The following PLA2G6 variants were observed in gnomAD, a reference collection of about 807,000 sequenced individuals.
The protein encoded by PLA2G6 is 85/88 kDa calcium-independent phospholipase A2.
In PLA2G6, 62 loss-of-function variants were observed where a neutral mutation model predicts 83.8. The ratio of observed to expected loss-of-function variants is 0.74; its 90% CI spans 0.60 to 0.91. The LOEUF (loss-of-function observed/expected upper bound fraction) is 0.91. Among genes scored for constraint, PLA2G6 ranks in the 40% least tolerant of loss-of-function variants. PLA2G6 has a pLI of 0.00. For missense variants in PLA2G6, 944 were observed against 1,102.0 expected, an observed-to-expected ratio of 0.86 and a Z score of 2.03; for synonymous variants, 417 against 449.8, an observed-to-expected ratio of 0.93 and a Z score of 0.92.
rs751359348 is a variant in PLA2G6 at position 38,128,296 on chromosome 22, G to C, written c.1321C>G (p.Pro441Ala). Residue 441 changes from proline to alanine, a missense_variant, in exon 9 of 17, where the codon CCC becomes GCC. Physicochemically the swap from Pro to Ala is conservative, Grantham distance 27. Transcript: ENST00000332509. This position sits in a 1 kb window ranked among gnomAD's most constrained non-coding sequence, Gnocchi z 4.4. Reference sequence around the variant, plus strand: ...AGGTTGTTTAGGCTGATCGGTGGGGGCTGAGCTCTTTCCAGGGAGAAGGGA... The same window carrying C: ...AGGTTGTTTAGGCTGATCGGTGGGGCCTGAGCTCTTTCCAGGGAGAAGGGA... ...HHPFSLERAQ[P>A]PPISLNNLEL... 2 of 1,612,860 alleles carry C rather than the reference G, an allele frequency of 1.2e-6. No homozygotes were observed. The highest frequency in any genetic ancestry group is 2.0e-4 in the Middle Eastern group (1 of 4,982).
At chr22:38,126,956 G>A (rs2087898900) in intron 9 of PLA2G6, 1 of 1,019,568 alleles carries the variant, frequency 9.8e-7, no homozygotes, top group South Asian at 2.8e-5. Context: ...GATGAAAGGA[G>A]ACATCCCTCG....
intron 6 of PLA2G6, 56 bp downstream of exon 6, chr22:38,134,932 G>A (rs2088452755): frequency 6.8e-6 from 9 of 1,332,942 alleles, no homozygotes; most frequent in East Asian, 2.3e-5. Flanking sequence ...TGAGGGCCCT[G>A]AGGACCTGCG....
In PLA2G6 at chr22:38,126,393, A is replaced by C; in HGVS notation, c.1405T>G (p.Ser469Ala). ...RARKPAFILG[S>A]MRDEKRTHDH... The stretch of plus-strand genomic sequence containing the variant: ...TACGTCCGCTTCTCGTCCCTCATGG[A>C]GCCCAGGATGAACGCTGGCTTCCGG... The change falls in exon 10 of 17, where the codon TCC becomes GCC. Residue 469 changes from serine (S) to alanine (A), a missense_variant. Ser to Ala is a moderately conservative substitution (Grantham distance 99). Coordinates refer to ENST00000332509, the MANE Select transcript of PLA2G6 (RefSeq NM_003560.4). 1 of 1,613,540 alleles carries C rather than the reference A, an allele frequency of 6.2e-7. No individual in the cohort carries two copies. The highest frequency in any genetic ancestry group is 8.5e-7 in the Non-Finnish European group (1 of 1,179,778).
intron 2 of PLA2G6, among the ~76,000 whole-genome samples, chr22:38,151,155 A>G (rs2089539405): frequency 6.6e-6 from 1 of 152,222 alleles, no homozygotes; most frequent in African/African-American, 2.4e-5. Context: ...GAATAAGGTT[A>G]AAATTAAAAC....
At chr22:38,159,728 G>A (rs907398953) in intron 2 of PLA2G6, among the ~76,000 whole-genome samples, 7 of 111,260 alleles carry the variant, frequency 6.3e-5, no homozygotes, top group Non-Finnish European at 1.5e-4. Context: ...ATAGATGAAA[G>A]GAAGGAAGGA....
In PLA2G6 at chr22:38,112,224, C is replaced by T; in HGVS notation, c.2358G>A (p.Glu786=). 4.3e-6 allele frequency: 7 copies of T among 1,612,226 alleles called. No individual in the cohort carries two copies. The highest frequency in any genetic ancestry group is 5.9e-6 in the Non-Finnish European group (7 of 1,179,330). ...CCTCGCGGTGCTCATAGATGTAGACCTCGGTCTCCCAGAGGGCGTTGACCA... is the reference window on the plus strand; with the variant it reads ...CCTCGCGGTGCTCATAGATGTAGACTTCGGTCTCCCAGAGGGCGTTGACCA... ...TVLVNALWET[E]VYIYEHREEF... The change falls in exon 17 of 17, where the codon GAG becomes GAA. Residue 786 remains glutamate, a synonymous_variant. Coordinates refer to ENST00000332509, the MANE Select transcript of PLA2G6 (RefSeq NM_003560.4).
At position 38,124,367 on chromosome 22, in the gene PLA2G6, C is replaced by A. The variant is rs1158351403; in HGVS notation, c.1428-1109G>T. 3.3e-5 allele frequency among the ~76,000 whole-genome samples: 5 copies of A among 152,260 alleles called. No homozygotes were observed. In the East Asian group the frequency reaches 9.7e-4, roughly 29 times the overall value. On this transcript the variant is annotated intron_variant, in intron 10 of 16. Coordinates refer to ENST00000332509, the MANE Select transcript of PLA2G6 (RefSeq NM_003560.4). Reference sequence around the variant, plus strand: ...TGACGGGAACCAAGTCATATGGATGCGGACTGGACCTGGACCCAGGTCTGC... The same window carrying A: ...TGACGGGAACCAAGTCATATGGATGAGGACTGGACCTGGACCCAGGTCTGC...
At chr22:38,144,650 A>AT (rs2089134457) in intron 3 of PLA2G6, 1 of 140,350 alleles carries the variant, frequency 7.1e-6, no homozygotes, top group Non-Finnish European at 1.5e-5. Context: ...AAAAAAAAAA[A>AT]AAAAAAAATT....
In PLA2G6 at chr22:38,123,039, C is replaced by G; in HGVS notation, c.1591+56G>C. On this transcript the variant is annotated intron_variant, in intron 11 of 16. Coordinates refer to ENST00000332509, the MANE Select transcript of PLA2G6 (RefSeq NM_003560.4). This position sits in a 1 kb window ranked among gnomAD's most constrained non-coding sequence, Gnocchi z 4.1. ...CAAAGCCCTGAAGACAAACTCGGCC[C>G]CTTGAGGACACAGGTCTCAGCCCCG... The G allele has an allele frequency of 6.7e-7, 1 of 1,499,980 alleles. No individual in the cohort carries two copies. The highest frequency in any genetic ancestry group is 9.0e-7 in the Non-Finnish European group (1 of 1,109,018). The allele number at this position is 1,499,980 out of a possible 1,614,324, so 92.9% of individuals were successfully genotyped here.
chr22:38,127,565 TC>T, intron 9 of PLA2G6: 1 of 744,894 alleles, frequency 1.3e-6, no homozygotes, highest in Non-Finnish European at 2.1e-6. Flanking sequence ...TCTCCAGAGT[TC>T]CAGGCTTGGT....
At chr22:38,119,128 C>T (rs374071733) in intron 12 of PLA2G6, among the ~76,000 whole-genome samples, 27 of 152,228 alleles carry the variant, frequency 1.8e-4, no homozygotes, top group African/African-American at 6.0e-4. Flanking sequence ...TCTCTACTGC[C>T]CCCAAGAATA....
At chr22:38,160,046 T>A (rs1361023067) in intron 2 of PLA2G6, among the ~76,000 whole-genome samples, 1 of 152,174 alleles carries the variant, frequency 6.6e-6, no homozygotes, top group Non-Finnish European at 1.5e-5. Flanking sequence ...AAGAAAAAGA[T>A]AAACAACTTT....
In PLA2G6 at chr22:38,132,956, T is replaced by C. The variant is rs909854843; in HGVS notation, c.952A>G (p.Asn318Asp). 1 of 1,564,082 alleles carries C rather than the reference T, an allele frequency of 6.4e-7. No individual in the cohort carries two copies. Among genetic ancestry groups the C allele is most frequent in the Non-Finnish European group, 8.7e-7 (1 of 1,154,738 alleles). ...ATCACCGCCACGTGCAGGGCCGTGT[T>C]CCCCGCGGAGCTGGTGCTGTTCACG... ...CNVNSTSSAG[N>D]TALHVAVMRN... Residue 318 changes from asparagine to aspartate, a missense_variant, in exon 7 of 17, where the codon AAC becomes GAC. Asn to Asp is a conservative substitution (Grantham distance 23, BLOSUM62 1). Transcript: ENST00000332509. The surrounding 1 kb of genome is among the most constrained non-coding windows in gnomAD (Gnocchi z 5.0).
chr22:38,181,624 G>T, intron 1 of PLA2G6, 40 bp downstream of exon 1: 1 of 152,492 alleles, frequency 6.6e-6, no homozygotes, highest in Non-Finnish European at 1.5e-5. Flanking sequence ...GGAAGGTGGG[G>T]GCACTCAGGG....
intron 5 of PLA2G6, chr22:38,135,326 C>T (rs2088485762): frequency 3.8e-6 from 2 of 522,696 alleles, no homozygotes; most frequent in Non-Finnish European, 7.0e-6. Flanking sequence ...CTCCCTGGTA[C>T]TGGCTTTAGA....
At chr22:38,145,404 C>T in intron 3 of PLA2G6, 34 bp downstream of exon 3, 1 of 1,533,954 alleles carries the variant, frequency 6.5e-7, no homozygotes, top group Non-Finnish European at 8.9e-7. Flanking sequence ...CAGGTACACA[C>T]ACGTTGTCCA....
At chr22:38,122,310 C>T (rs1476571904) in intron 11 of PLA2G6, among the ~76,000 whole-genome samples, 1 of 152,124 alleles carries the variant, frequency 6.6e-6, no homozygotes, top group Non-Finnish European at 1.5e-5. Context: ...GGCAGGGGCA[C>T]CAGTCAGACA....
At chr22:38,161,432 C>G (rs1380910505) in intron 2 of PLA2G6, among the ~76,000 whole-genome samples, 1 of 152,146 alleles carries the variant, frequency 6.6e-6, no homozygotes, top group East Asian at 1.9e-4. Context: ...GACCTAATCA[C>G]CCCCATAGTG....
At chr22:38,158,339 T>A (rs1177700193) in intron 2 of PLA2G6, among the ~76,000 whole-genome samples, 1 of 151,850 alleles carries the variant, frequency 6.6e-6, no homozygotes, top group African/African-American at 2.4e-5. Flanking sequence ...CTGGCTAATG[T>A]TTTGTATTTT....
Sources: gnomAD v4.1 joint callset for allele counts (sites outside exome capture counted in the v4.1 genomes callset) on GRCh38, gnomAD v4.1.1 for gene constraint, Gnocchi (gnomAD v3.1) non-coding constraint, MANE v1.5 for transcripts, NCBI Gene and HGNC (gene_info 2026-07-23, HGNC 2026-07-21) for gene names.